The following NACC2 variants were observed in gnomAD, a reference collection of about 807,000 sequenced individuals.
The protein encoded by NACC2 is nucleus accumbens-associated protein 2.
In NACC2, 8 loss-of-function variants were observed where a neutral mutation model predicts 25.1. The observed-to-expected ratio is 0.32, with a 90% CI of 0.19 to 0.57. The LOEUF (loss-of-function observed/expected upper bound fraction) is 0.57. Among genes scored for constraint, NACC2 ranks in the 20% least tolerant of loss-of-function variants. The pLI is 0.89. For missense variants in NACC2, 644 were observed against 650.2 expected, an observed-to-expected ratio of 0.99 and a Z score of 0.10; for synonymous variants, 435 against 294.7, an observed-to-expected ratio of 1.48 and a Z score of -4.88.
chr9:136,063,096 C>T (rs1301850352), intron 1 of NACC2, among the ~76,000 whole-genome samples: 3 of 152,154 alleles, frequency 2.0e-5, no homozygotes, highest in East Asian at 1.9e-4. Context: ...CCTTTCACCC[C>T]GGGACTGTTT....
chr9:136,050,845 C>T (rs1840820333), intron 1 of NACC2, among the ~76,000 whole-genome samples: 1 of 152,116 alleles, frequency 6.6e-6, no homozygotes. Flanking sequence ...CACGCCACTC[C>T]CAGGGGGCTG....
intron 1 of NACC2, among the ~76,000 whole-genome samples, chr9:136,057,538 C>T (rs943153147): frequency 1.3e-5 from 2 of 152,200 alleles, no homozygotes; most frequent in African/African-American, 4.8e-5. Context: ...CGAAAAGAGC[C>T]GACAATCTCC....
At chr9:136,040,947 T>A (rs1350997986) in intron 2 of NACC2, among the ~76,000 whole-genome samples, 3 of 133,878 alleles carry the variant, frequency 2.2e-5, no homozygotes, top group Non-Finnish European at 3.1e-5. Flanking sequence ...GGCGACAGAG[T>A]GAGAGTGAGA....
intron 1 of NACC2, among the ~76,000 whole-genome samples, chr9:136,060,077 G>A (rs114997172): frequency 6.2e-4 from 95 of 152,300 alleles, no homozygotes; most frequent in African/African-American, 1.7e-3. Context: ...CTGCCCTGGC[G>A]GCATGCCCAG....
intron 1 of NACC2, among the ~76,000 whole-genome samples, chr9:136,090,531 G>T: frequency 6.6e-6 from 1 of 152,082 alleles, no homozygotes; most frequent in East Asian, 1.9e-4. Context: ...TGGGGGCTGG[G>T]TTGCTAGCAA....
rs1372154183 is a variant in NACC2, at chr9:136,011,273, T to C, written c.*243A>G. The stretch of plus-strand genomic sequence containing the variant: ...AAGCTACACTTGGAGGCTGACCTTG[T>C]GAATATCAAAAGGGAGCCCTGGGAA... On this transcript the variant is annotated 3_prime_UTR_variant, in exon 6 of 6. Coordinates refer to ENST00000277554, the MANE Select transcript of NACC2 (RefSeq NM_144653.5). 5 of 344,946 alleles carry C rather than the reference T, an allele frequency of 1.4e-5. No individual in the cohort carries two copies. The highest frequency in any genetic ancestry group is 2.5e-5 in the Non-Finnish European group (5 of 198,908). 21.4% of individuals were successfully genotyped at this position (344,946 alleles called of 1,614,324 possible). A position where few individuals can be genotyped will look rare whatever the true frequency, so the allele number is the denominator to read the frequency against.
chr9:136,017,332 T>A (rs909714713), intron 2 of NACC2, among the ~76,000 whole-genome samples: 2 of 152,090 alleles, frequency 1.3e-5, no homozygotes, highest in Non-Finnish European at 2.9e-5. Context: ...TGGGCAGGAC[T>A]CTCTGCTGTC....
intron 2 of NACC2, among the ~76,000 whole-genome samples, chr9:136,027,575 A>G (rs77198708): frequency 8.3e-4 from 126 of 152,302 alleles, no homozygotes; most frequent in African/African-American, 2.9e-3. Context: ...TGACCAGAAA[A>G]TCCAAAAAGG....
rs185409915 is a variant in NACC2, at chr9:136,077,984, G to A, written c.-60+17205C>T. ...AGACGGGGTTTCACCATGTTAGCCAGGCTGGTCTCAAACTCCTGACCTCGT... is the reference window on the plus strand; with the variant it reads ...AGACGGGGTTTCACCATGTTAGCCAAGCTGGTCTCAAACTCCTGACCTCGT... On this transcript the variant is annotated intron_variant, in intron 1 of 5. Coordinates refer to ENST00000277554, the MANE Select transcript of NACC2 (RefSeq NM_144653.5). Among the ~76,000 whole-genome samples the A allele has an allele frequency of 3.5e-3, 538 of 152,262 alleles. 3 individuals carry two copies. Among genetic ancestry groups the A allele is most frequent in the African/African-American group, 0.011 (458 of 41,534 alleles).
intron 2 of NACC2, among the ~76,000 whole-genome samples, chr9:136,038,250 AC>A (rs1414867054): frequency 5.5e-4 from 84 of 152,324 alleles, no homozygotes; most frequent in Admixed American, 3.2e-3. Context: ...TTTTTTAAAC[AC>A]CAGGCTGGGC....
At chr9:136,012,060 C>CTT in intron 5 of NACC2, 36 bp from the exon 6 acceptor site, 1 of 1,476,094 alleles carries the variant, frequency 6.8e-7, no homozygotes, top group South Asian at 1.4e-5. Context: ...CAGCCACCTG[C>CTT]CTGCCGGGAG....
chr9:136,077,514 A>C (rs1296274700), intron 1 of NACC2, among the ~76,000 whole-genome samples: 1 of 152,246 alleles, frequency 6.6e-6, no homozygotes, highest in Non-Finnish European at 1.5e-5. Context: ...GACCTTTGCA[A>C]CATATGTATC....
At chr9:136,044,708 C>A (rs1840693885) in intron 2 of NACC2, among the ~76,000 whole-genome samples, 1 of 152,378 alleles carries the variant, frequency 6.6e-6, no homozygotes, top group African/African-American at 2.4e-5. Context: ...CTGGGAACCC[C>A]AAACAACAGT....
At chr9:136,015,041 C>G (rs1342940371) in intron 3 of NACC2, among the ~76,000 whole-genome samples, 1 of 152,152 alleles carries the variant, frequency 6.6e-6, no homozygotes, top group East Asian at 1.9e-4. Context: ...TGCCCATGAC[C>G]TCTTCCTGCC....
rs927444893 is a variant in NACC2, at chr9:136,020,482, C to T, written c.887-4053G>A. On this transcript the variant is annotated intron_variant, in intron 2 of 5. Transcript: ENST00000277554. This position sits in a 1 kb window ranked among gnomAD's most constrained non-coding sequence, Gnocchi z 4.7. ...GGCAGCCCCACCAGGGGAGTCTGTG[C>T]GGATGTGGGCGGCAGTGGCGAGTGG... 4.6e-5 allele frequency among the ~76,000 whole-genome samples: 7 copies of T among 152,304 alleles called. No individual in the cohort carries two copies. The highest frequency in any genetic ancestry group is 1.9e-4 in the East Asian group (1 of 5,180).
intron 5 of NACC2, among the ~76,000 whole-genome samples, chr9:136,012,481 C>T (rs76763287): frequency 0.017 from 2,523 of 152,330 alleles, 75 homozygotes; most frequent in African/African-American, 0.057. Flanking sequence ...AGGCCAAGGC[C>T]GGGTCATTCC....
chr9:136,078,570 T>A (rs148547965), intron 1 of NACC2, among the ~76,000 whole-genome samples: 29 of 152,272 alleles, frequency 1.9e-4, no homozygotes, highest in Non-Finnish European at 3.7e-4. Context: ...CGTACCTGGA[T>A]GCATAGACGG....
At chr9:136,094,894 G>A (rs1465695714) in intron 1 of NACC2, among the ~76,000 whole-genome samples, 1 of 150,418 alleles carries the variant, frequency 6.6e-6, no homozygotes, top group Admixed American at 6.6e-5. Flanking sequence ...GCCCGGAGCC[G>A]GGGTCTCCCC....
intron 1 of NACC2, among the ~76,000 whole-genome samples, chr9:136,068,076 C>G (rs186448144): frequency 6.6e-6 from 1 of 152,104 alleles, no homozygotes; most frequent in Non-Finnish European, 1.5e-5. Context: ...ATGGAACTTG[C>G]GGGACTGGGC....
Sources: gnomAD v4.1 joint callset for allele counts (sites outside exome capture counted in the v4.1 genomes callset) on GRCh38, gnomAD v4.1.1 for gene constraint, Gnocchi (gnomAD v3.1) non-coding constraint, MANE v1.5 for transcripts, NCBI Gene and HGNC (gene_info 2026-07-23, HGNC 2026-07-21) for gene names.